The following CASP6 variants were observed in gnomAD, a reference collection of about 807,000 sequenced individuals.
The protein encoded by CASP6 is caspase 6.
Under a neutral mutation model 31.8 loss-of-function variants are expected in CASP6, and 20 were observed. The observed-to-expected ratio is 0.63, with a 90% CI of 0.44 to 0.91. The LOEUF (loss-of-function observed/expected upper bound fraction) is 0.91. Ranked by LOEUF, CASP6 falls within the 40% of genes least tolerant of loss-of-function variation. The pLI is 0.00. For missense variants in CASP6, 328 were observed against 361.1 expected, an observed-to-expected ratio of 0.91 and a Z score of 0.74; for synonymous variants, 130 against 127.8, an observed-to-expected ratio of 1.02 and a Z score of -0.12.
At chr4:109,700,259 A>C (rs1454459861) in intron 1 of CASP6, among the ~76,000 whole-genome samples, 1 of 152,326 alleles carries the variant, frequency 6.6e-6, no homozygotes, top group African/African-American at 2.4e-5. Flanking sequence ...TTAATAACTT[A>C]AGATGTGAGT....
the CASP6 span, chr4:109,673,914 T>C: frequency 1.3e-6 from 1 of 778,472 alleles, no homozygotes. Flanking sequence ...TTCGAAAAGC[T>C]AAAGAGGCAC....
At chr4:109,708,083 G>C (rs969254077), upstream of CASP6, among the ~76,000 whole-genome samples, 1 of 152,124 alleles carries the variant, frequency 6.6e-6, no homozygotes, top group African/African-American at 2.4e-5. Context: ...TAAGAAATAA[G>C]TATAAGGAAC....
downstream of CASP6, chr4:109,687,952 G>GAATCAAAA (rs1561254862): frequency 2.4e-5 from 4 of 169,038 alleles, no homozygotes; most frequent in African/African-American, 9.5e-5. Flanking sequence ...CAGAGACCAG[G>GAATCAAAA]TCTTGCCAAA....
chr4:109,682,025 G>T, the CASP6 span, among the ~76,000 whole-genome samples: 3 of 152,198 alleles, frequency 2.0e-5, no homozygotes, highest in Non-Finnish European at 2.9e-5. Context: ...TAGATGATCG[G>T]CTATTTCTTT....
chr4:109,682,730 GC>G, the CASP6 span: 1 of 1,613,480 alleles, frequency 6.2e-7, no homozygotes. Flanking sequence ...AACAGCTGCA[GC>G]CCCTTGAACA....
chr4:109,670,769 A>G, the CASP6 span, among the ~76,000 whole-genome samples: 2 of 152,138 alleles, frequency 1.3e-5, no homozygotes, highest in Non-Finnish European at 2.9e-5. Context: ...GCATATTTCA[A>G]AATCACTACT....
intron 5 of CASP6, among the ~76,000 whole-genome samples, chr4:109,693,737 A>G (rs1730149064): frequency 6.6e-6 from 1 of 151,610 alleles, no homozygotes; most frequent in Non-Finnish European, 1.5e-5. Flanking sequence ...CATGCAAAAA[A>G]AAAAATTTTT....
At chr4:109,666,735 C>T in the CASP6 span, among the ~76,000 whole-genome samples, 1 of 152,130 alleles carries the variant, frequency 6.6e-6, no homozygotes, top group African/African-American at 2.4e-5. Context: ...GGCTTGCTTT[C>T]TCATTGTCTT....
chr4:109,690,912 G>C lies in CASP6; in HGVS notation c.581C>G (p.Ala194Gly), dbSNP rs1263994489. ...KLDTNITEVD[A>G]ASVYTLPAGA... ...AGCAGGCAGCGTGTAAACGGAGGCT[G>C]CATCCACCTCAGTTATGTTGGTGTC... Residue 194 changes from alanine to glycine, a missense_variant, in exon 6 of 7, where the codon GCA (alanine) becomes GGA (glycine). Transcript: ENST00000265164. The C allele has an allele frequency of 6.2e-7, 1 of 1,613,386 alleles. No individual in the cohort carries two copies. Among genetic ancestry groups the C allele is most frequent in the Admixed American group, 1.7e-5 (1 of 59,960 alleles).
the CASP6 span, among the ~76,000 whole-genome samples, chr4:109,677,802 A>ATTTTTTTTTTTTTTTTTTTTTT: frequency 2.3e-5 from 2 of 86,608 alleles, no homozygotes; most frequent in Non-Finnish European, 4.3e-5. Flanking sequence ...AAGGAAACAA[A>ATTTTTTTTTTTTTTTTTTTTTT]TTTTTTTTTT....
upstream of CASP6, among the ~76,000 whole-genome samples, chr4:109,706,164 T>TAC (rs1439890292): frequency 8.9e-4 from 81 of 90,644 alleles, 3 homozygotes; most frequent in African/African-American, 4.8e-3. Flanking sequence ...TATATATATA[T>TAC]ATATATACAC....
the CASP6 span, among the ~76,000 whole-genome samples, chr4:109,676,841 A>G: frequency 6.6e-6 from 1 of 152,274 alleles, no homozygotes; most frequent in Non-Finnish European, 1.5e-5. Flanking sequence ...CTTTAACTGC[A>G]TACAGTAAAA....
At chr4:109,688,309 C>T (rs374854925), downstream of CASP6, 1 of 152,166 alleles carries the variant, frequency 6.6e-6, no homozygotes, top group East Asian at 1.9e-4. Flanking sequence ...ATCTGTTATT[C>T]TATTAATGTG....
chr4:109,682,886 T>G, the CASP6 span: 1 of 589,816 alleles, frequency 1.7e-6, no homozygotes, highest in South Asian at 2.2e-5. Context: ...TTCAGTGCTT[T>G]TATCTTCCTC....
downstream of CASP6, chr4:109,687,684 T>A: frequency 1.3e-6 from 1 of 745,918 alleles, no homozygotes; most frequent in Non-Finnish European, 2.3e-6. Flanking sequence ...TTTGATTGTT[T>A]AATCTTTGTT....
downstream of CASP6, among the ~76,000 whole-genome samples, chr4:109,684,065 C>CTTTTTTTT (rs71595507): frequency 7.1e-6 from 1 of 140,048 alleles, no homozygotes. Flanking sequence ...TTCCTCTTTT[C>CTTTTTTTT]TTTTTTTTTT....
Position 109,694,554 on chromosome 4 carries a change from C to G in CASP6, c.454G>C (p.Val152Leu). 1 of 1,604,288 alleles carries G rather than the reference C, an allele frequency of 6.2e-7. No individual in the cohort carries two copies. Among genetic ancestry groups the G allele is most frequent in the Non-Finnish European group, 8.5e-7 (1 of 1,176,594 alleles). The change falls in exon 5 of 7, where the codon GTT (valine) becomes CTT (leucine). Residue 152 changes from valine (V) to leucine (L), a missense_variant. Transcript: ENST00000265164. ...ATGATAAATATCTTGGGTTTTCCAA[C>G]CAGGCTGTGACACTTGTCTCCTTTG... ...LFKGDKCHSL[V>L]GKPKIFIIQA...
intron 1 of CASP6, among the ~76,000 whole-genome samples, chr4:109,702,033 A>G (rs1418864478): frequency 1.3e-5 from 2 of 152,230 alleles, no homozygotes; most frequent in African/African-American, 4.8e-5. Context: ...TCCATCAACA[A>G]TGTATTTAGT....
the CASP6 span, among the ~76,000 whole-genome samples, chr4:109,675,949 C>T: frequency 6.6e-6 from 1 of 152,174 alleles, no homozygotes; most frequent in East Asian, 1.9e-4. Flanking sequence ...AAATGTTGTT[C>T]TTCCTAAGTT....
Sources: allele counts gnomAD v4.1 joint callset (sites outside exome capture counted in the v4.1 genomes callset), GRCh38; gene constraint gnomAD v4.1.1; transcripts MANE v1.5; gene names NCBI Gene and HGNC (gene_info 2026-07-23, HGNC 2026-07-21).